Variants in ASIC2 observed in about 807,000 individuals in gnomAD.
The protein encoded by ASIC2 is acid-sensing ion channel 2.
In ASIC2, 25 loss-of-function variants were observed where a neutral mutation model predicts 57.3. The ratio of observed to expected loss-of-function variants is 0.44; its 90% CI spans 0.32 to 0.61. The LOEUF (loss-of-function observed/expected upper bound fraction) is 0.61, where lower values mean the gene tolerates loss of function less well. Among genes scored for constraint, ASIC2 ranks in the 20% least tolerant of loss-of-function variants. The pLI is 0.06. For synonymous variants in ASIC2, 319 were observed against 307.5 expected, an observed-to-expected ratio of 1.04 and a Z score of -0.39; for missense variants, 641 against 738.1, an observed-to-expected ratio of 0.87 and a Z score of 1.52.
At chr17:33,982,898 C>G (rs1407995910) in intron 1 of ASIC2, among the ~76,000 whole-genome samples, 1 of 152,174 alleles carries the variant, frequency 6.6e-6, no homozygotes, top group Non-Finnish European at 1.5e-5. Context: ...TGCTTATACA[C>G]ATTATGTGTA....
chr17:34,002,027 C>G (rs1906362239), intron 1 of ASIC2: 1 of 152,368 alleles, frequency 6.6e-6, no homozygotes, highest in South Asian at 2.1e-4. Context: ...CTCTGTTCTA[C>G]TCACATCCCT....
intron 1 of ASIC2, among the ~76,000 whole-genome samples, chr17:33,868,704 T>A (rs2141929776): frequency 6.6e-6 from 1 of 152,220 alleles, no homozygotes; most frequent in South Asian, 2.1e-4. Flanking sequence ...ACGTACCTAA[T>A]CAAGTACTTG....
chr17:33,087,343 A>G (rs2092138259), intron 3 of ASIC2, among the ~76,000 whole-genome samples: 1 of 151,916 alleles, frequency 6.6e-6, no homozygotes, highest in African/African-American at 2.4e-5. Context: ...TTCTGCTTGC[A>G]TCACTTGTCT....
chr17:34,153,632 C>CTGCTGGAGCCTCGTTGGGCTG (rs1904609187), intron 1 of ASIC2, among the ~76,000 whole-genome samples: 2 of 152,244 alleles, frequency 1.3e-5, no homozygotes, highest in Non-Finnish European at 2.9e-5. Context: ...ACCAGCCTCC[C>CTGCTGGAGCCTCGTTGGGCTG]TGCTGGAGCC....
chr17:33,092,553 G>A (rs1209468912), intron 2 of ASIC2, among the ~76,000 whole-genome samples: 1 of 152,244 alleles, frequency 6.6e-6, no homozygotes, highest in Non-Finnish European at 1.5e-5. Flanking sequence ...GTGGAGAGCA[G>A]GAATCTGCAT....
chr17:33,567,126 G>A (rs1202640075), intron 1 of ASIC2, among the ~76,000 whole-genome samples: 2 of 152,146 alleles, frequency 1.3e-5, no homozygotes, highest in African/African-American at 2.4e-5. Context: ...CAAGGCTGGA[G>A]GAGGAAAGAG....
intron 1 of ASIC2, among the ~76,000 whole-genome samples, chr17:33,960,763 T>C (rs189919519): frequency 3.5e-4 from 54 of 152,288 alleles, no homozygotes; most frequent in African/African-American, 1.2e-3. Flanking sequence ...CAATATCAGC[T>C]TAAAACTCAC....
At chr17:33,022,415 C>T (rs539217137) in intron 6 of ASIC2, among the ~76,000 whole-genome samples, 1 of 152,308 alleles carries the variant, frequency 6.6e-6, no homozygotes, top group South Asian at 2.1e-4. Flanking sequence ...ACACAGCATT[C>T]GTCCTATTGG....
At chr17:33,480,734 C>T (rs1478932639) in intron 1 of ASIC2, among the ~76,000 whole-genome samples, 1 of 152,128 alleles carries the variant, frequency 6.6e-6, no homozygotes, top group African/African-American at 2.4e-5. Context: ...CCACCCCAGC[C>T]ATCCTCCCGA....
At chr17:33,210,733 A>G (rs959578907) in intron 1 of ASIC2, among the ~76,000 whole-genome samples, 17 of 152,238 alleles carry the variant, frequency 1.1e-4, no homozygotes, top group Non-Finnish European at 7.3e-5. Flanking sequence ...CTCACCCTTC[A>G]TAACAAAGGG....
At chr17:33,043,763 G>A (rs1227570988) in intron 3 of ASIC2, among the ~76,000 whole-genome samples, 2 of 152,168 alleles carry the variant, frequency 1.3e-5, no homozygotes, top group African/African-American at 4.8e-5. Context: ...TTGTGAAGGA[G>A]TGTCCCTGAC....
intron 1 of ASIC2, among the ~76,000 whole-genome samples, chr17:33,686,474 G>T (rs1483803443): frequency 2.0e-5 from 3 of 152,242 alleles, no homozygotes; most frequent in South Asian, 2.1e-4. Flanking sequence ...GGCCCATAGG[G>T]TTTACAGCCC....
At chr17:33,320,705 A>G (rs1906835528) in intron 1 of ASIC2, among the ~76,000 whole-genome samples, 1 of 152,092 alleles carries the variant, frequency 6.6e-6, no homozygotes, top group Admixed American at 6.6e-5. Context: ...TCTGTTCTCT[A>G]TTGGAGCTAC....
chr17:33,119,128 C>G (rs1192910007), intron 1 of ASIC2, among the ~76,000 whole-genome samples: 1 of 152,204 alleles, frequency 6.6e-6, no homozygotes, highest in East Asian at 1.9e-4. Context: ...CATCCACTTA[C>G]CAGCACACAG....
chr17:33,462,099 C>T (rs547273412), intron 1 of ASIC2, among the ~76,000 whole-genome samples: 1 of 152,166 alleles, frequency 6.6e-6, no homozygotes, highest in Admixed American at 6.5e-5. Flanking sequence ...CACAGGGTGT[C>T]ACAGAAGCAG....
intron 1 of ASIC2, among the ~76,000 whole-genome samples, chr17:33,359,571 C>T (rs925691966): frequency 3.3e-5 from 5 of 152,274 alleles, no homozygotes; most frequent in South Asian, 4.2e-4. Flanking sequence ...GCTCAGGGCT[C>T]AAGAGGTACC....
intron 1 of ASIC2, among the ~76,000 whole-genome samples, chr17:33,717,393 TCTGA>T (rs1909256794): frequency 6.6e-6 from 1 of 152,170 alleles, no homozygotes. Flanking sequence ...TAGCACATGG[TCTGA>T]CTATTAGCTG....
At chr17:33,757,921 G>A (rs1339048175) in intron 1 of ASIC2, among the ~76,000 whole-genome samples, 1 of 152,212 alleles carries the variant, frequency 6.6e-6, no homozygotes, top group Non-Finnish European at 1.5e-5. Context: ...GATTGGGAGG[G>A]TATGAGCTGC....
rs187110408 is a variant in ASIC2, at chr17:33,850,984, C to G, written c.555+304994G>C. Among the ~76,000 whole-genome samples, 285 of 152,204 alleles carry G rather than the reference C, an allele frequency of 1.9e-3. 1 individual carries two copies. The highest frequency in any genetic ancestry group is 2.3e-3 in the Non-Finnish European group (154 of 67,998). On this transcript the variant is annotated intron_variant, in intron 1 of 9. Transcript: ENST00000359872. Reference sequence around the variant, plus strand: ...AGCCAGAGGCTTGGACAGCCATGTGCAAGTGGACCTTGGAAAGATCCCTCA... The same window carrying G: ...AGCCAGAGGCTTGGACAGCCATGTGGAAGTGGACCTTGGAAAGATCCCTCA...
Sources: allele counts gnomAD v4.1 joint callset (sites outside exome capture counted in the v4.1 genomes callset), GRCh38; gene constraint gnomAD v4.1.1; transcripts MANE v1.5; gene names NCBI Gene and HGNC (gene_info 2026-07-23, HGNC 2026-07-21).